The following TRIM66 variants were observed in gnomAD, a reference collection of about 807,000 sequenced individuals.
TRIM66 encodes tripartite motif containing 66, also known as tripartite motif-containing protein 66.
A neutral mutation model predicts 148.2 loss-of-function variants in TRIM66; 99 were observed. That is an observed-to-expected ratio of 0.67 (90% CI 0.57 to 0.79). TRIM66 has a LOEUF of 0.79. Ranked by LOEUF, TRIM66 falls within the 30% of genes least tolerant of loss-of-function variation. The probability of loss-of-function intolerance (pLI) is 0.00; values close to 1 mark genes in which losing one functional copy is unlikely to be tolerated. For missense variants in TRIM66, 1,666 were observed against 1,697.9 expected, an observed-to-expected ratio of 0.98 and a Z score of 0.33; for synonymous variants, 616 against 635.9, an observed-to-expected ratio of 0.97 and a Z score of 0.47.
At chr11:8,621,460 A>AT in intron 19 of TRIM66, 139 bp from the exon 20 acceptor site, 1 of 1,319,912 alleles carries the variant, frequency 7.6e-7, no homozygotes, top group Non-Finnish European at 1.0e-6. Context: ...AGCCCCATGA[A>AT]TGCTGGGACA....
chr11:8,630,057 T>A (rs936248204), intron 15 of TRIM66, among the ~76,000 whole-genome samples: 2 of 152,184 alleles, frequency 1.3e-5, no homozygotes, highest in African/African-American at 4.8e-5. Context: ...ACTTATTTCA[T>A]GTACAAAAAG....
At chr11:8,669,171 T>C (rs11042030) in intron 6 of TRIM66, among the ~76,000 whole-genome samples, 43,532 of 152,066 alleles carry the variant, frequency 0.29, 6,771 homozygotes, top group East Asian at 0.6. Context: ...GTCCAAAGCA[T>C]AGACTGCCTT....
At chr11:8,652,393 A>C (rs996549201) in intron 6 of TRIM66, among the ~76,000 whole-genome samples, 1 of 151,850 alleles carries the variant, frequency 6.6e-6, no homozygotes, top group Non-Finnish European at 1.5e-5. Flanking sequence ...AGAGAAAGGC[A>C]AGGCCTCCCT....
At chr11:8,667,828 G>A (rs2133451582) in intron 6 of TRIM66, among the ~76,000 whole-genome samples, 1 of 152,188 alleles carries the variant, frequency 6.6e-6, no homozygotes, top group Non-Finnish European at 1.5e-5. Context: ...TTAACACTTG[G>A]GTTACTTCCA....
chr11:8,677,228 T>C (rs1013306193), intron 3 of TRIM66, among the ~76,000 whole-genome samples: 1 of 152,204 alleles, frequency 6.6e-6, no homozygotes, highest in African/African-American at 2.4e-5. Flanking sequence ...GTACCTACTC[T>C]TTGCTAGGCT....
intron 7 of TRIM66, 59 bp downstream of exon 7, chr11:8,651,741 A>G (rs1406467047): frequency 7.5e-7 from 1 of 1,327,132 alleles, no homozygotes; most frequent in East Asian, 2.5e-5. Context: ...AGACTTATGG[A>G]CAGGGGCCTC....
chr11:8,683,013 T>G, upstream of TRIM66: 1 of 869,932 alleles, frequency 1.1e-6, no homozygotes, highest in Non-Finnish European at 1.8e-6. Context: ...TTCGGATCTC[T>G]AGGACACGCG....
At position 8,624,305 on chromosome 11, in the gene TRIM66, G is replaced by C. The variant is rs76295487; in HGVS notation, c.3019+54C>G. 2.2e-3 allele frequency: 3,437 copies of C among 1,527,682 alleles called. 58 individuals are homozygous for C. In the African/African-American group the frequency reaches 0.038, roughly 17 times the overall value. 94.6% of individuals were successfully genotyped at this position (1,527,682 alleles called of 1,614,324 possible). On this transcript the variant is annotated intron_variant, in intron 17 of 24. Transcript: ENST00000646038. ...GGCCTCTCTTACCTAGAAGTGCTGA[G>C]TCCATCTGCTCAAGTCTGTGGCCAA...
chr11:8,617,769 A>ATGTAC lies in TRIM66; in HGVS notation c.*170_*174dup. On this transcript the variant is annotated 3_prime_UTR_variant, in exon 25 of 25. Coordinates refer to ENST00000646038, the MANE Select transcript of TRIM66 (RefSeq NM_001388022.1). ...ATTACTGAAATCTTCTCTGTAGTGG[A>ATGTAC]TGTACTACGGCTCCCAAATAAATGC... 1.6e-6 allele frequency: 1 copy of ATGTAC among 620,256 alleles called. No homozygotes were observed. The highest frequency in any genetic ancestry group is 2.1e-5 in the South Asian group (1 of 47,248). The allele number at this position is 620,256 out of a possible 1,614,324, so 38.4% of individuals were successfully genotyped here.
intron 6 of TRIM66, among the ~76,000 whole-genome samples, chr11:8,655,135 C>T (rs1032685891): frequency 6.6e-6 from 1 of 152,130 alleles, no homozygotes; most frequent in Non-Finnish European, 1.5e-5. Context: ...GCTGGGATTA[C>T]AGGCATGAGC....
intron 24 of TRIM66, 68 bp downstream of exon 24, chr11:8,618,682 T>G: frequency 7.1e-7 from 1 of 1,415,012 alleles, no homozygotes. Flanking sequence ...CACCTTAGGT[T>G]CTGCTTGGGT....
rs1385319720 is a variant in TRIM66 at position 8,640,285 on chromosome 11, T to C, written c.2090A>G (p.Asn697Ser). The C allele has an allele frequency of 6.4e-7, 1 of 1,551,602 alleles. No homozygotes were observed. The highest frequency in any genetic ancestry group is 2.4e-5 in the East Asian group (1 of 40,902). ...AGGTGCTGGCTGCCTCACGATGTAG[T>C]TGATCTGCCCCACAATGGTTTGCTG... ...HLQQTIVGQI[N>S]YIVRQPAPVQ... The change falls in exon 14 of 25, where the codon AAC becomes AGC. Residue 697 changes from asparagine (N) to serine (S), a missense_variant. Physicochemically the swap from Asn to Ser is conservative, Grantham distance 46 (BLOSUM62 1). This residue lies in a region of TRIM66 where 1,431 missense variants were observed against 1,412.4 expected (regional missense o/e 1.01). Coordinates refer to ENST00000646038, the MANE Select transcript of TRIM66 (RefSeq NM_001388022.1).
At position 8,621,178 on chromosome 11, in the gene TRIM66, T is replaced by A; in HGVS notation, c.3399A>T (p.Pro1133=). ...PEEHRLIPRT[P]GAKKGPPAPI... ...GGGCTGGGGGGCCCTTCTTGGCTCC[T>A]GGGGTTCGAGGAATGAGTCTGTGTT... The change falls in exon 20 of 25, where the codon CCA becomes CCT. Residue 1133 remains proline, a synonymous_variant. Transcript: ENST00000646038. 1 of 1,551,694 alleles carries A rather than the reference T, an allele frequency of 6.4e-7. No homozygotes were observed. Among genetic ancestry groups the A allele is most frequent in the Non-Finnish European group, 8.7e-7 (1 of 1,146,978 alleles).
chr11:8,635,006 T>C (rs1473028779), intron 15 of TRIM66, among the ~76,000 whole-genome samples: 2 of 152,132 alleles, frequency 1.3e-5, no homozygotes, highest in Non-Finnish European at 2.9e-5. Context: ...AATACCAAAC[T>C]AGGCTGGGTC....
rs944321701 is a variant in TRIM66 at position 8,638,860 on chromosome 11, C to T, written c.2149-45G>A. ...CTTGGGTGGGTTTTACTGCAGACAG[C>T]GTAGCAGCAGCAGCAGTGGCAGCAA... On this transcript the variant is annotated intron_variant, in intron 14 of 24. Coordinates refer to ENST00000646038, the MANE Select transcript of TRIM66 (RefSeq NM_001388022.1). The T allele has an allele frequency of 1.9e-5, 29 of 1,532,416 alleles. No individual in the cohort carries two copies. The African/African-American group carries it at 2.1e-4, about 11-fold the overall frequency. The allele number at this position is 1,532,416 out of a possible 1,614,324, so 94.9% of individuals were successfully genotyped here. A position where few individuals can be genotyped will look rare whatever the true frequency, so the allele number is the denominator to read the frequency against.
Position 8,620,523 on chromosome 11 carries a change from C to T in TRIM66, c.3595G>A (p.Glu1199Lys). 6.4e-7 allele frequency: 1 copy of T among 1,551,792 alleles called. No individual in the cohort carries two copies. Among genetic ancestry groups the T allele is most frequent in the Non-Finnish European group, 8.7e-7 (1 of 1,147,024 alleles). ...LCRSLTQPEM[E>K]YDCENACYNQ... ...TAGCAGGCATTCTCACAGTCGTACT[C>T]CATCTCGGGCTGGGTCAGGCTGCGG... The change falls in exon 21 of 25, where the codon GAG (glutamate) becomes AAG (lysine). Residue 1199 changes from glutamate (E) to lysine (K), a missense_variant. This residue lies in a region of TRIM66 where 31 missense variants were observed against 54.4 expected (regional missense o/e 0.57). Transcript: ENST00000646038.
intron 6 of TRIM66, among the ~76,000 whole-genome samples, chr11:8,652,641 C>G (rs1041190436): frequency 6.6e-6 from 1 of 152,156 alleles, no homozygotes. Context: ...GCAGAAGACT[C>G]CCACCCTGGA....
At chr11:8,673,368 T>C (rs1164371052) in intron 4 of TRIM66, among the ~76,000 whole-genome samples, 2 of 152,258 alleles carry the variant, frequency 1.3e-5, no homozygotes, top group African/African-American at 4.8e-5. Flanking sequence ...TCTACATATC[T>C]ACCACAATAT....
intron 7 of TRIM66, among the ~76,000 whole-genome samples, chr11:8,651,367 G>T (rs1366789545): frequency 1.3e-5 from 2 of 152,050 alleles, no homozygotes; most frequent in Non-Finnish European, 2.9e-5. Flanking sequence ...GGAAAAAGGT[G>T]ATAGTTGTTA....
Sources: gnomAD v4.1 joint callset for allele counts (sites outside exome capture counted in the v4.1 genomes callset) on GRCh38, gnomAD v4.1.1 for gene constraint, gnomAD v4.1.1 regional missense constraint, MANE v1.5 for transcripts, NCBI Gene and HGNC (gene_info 2026-07-23, HGNC 2026-07-21) for gene names.